Variants in CCDC175 observed in about 807,000 individuals in gnomAD.
CCDC175 encodes the protein coiled-coil domain containing 175, also known as coiled-coil domain-containing protein 175.
In CCDC175, 100 loss-of-function variants were observed where a neutral mutation model predicts 114.6. That is an observed-to-expected ratio of 0.87 (90% confidence interval 0.74 to 1.03). The LOEUF is 1.03. Ranked by LOEUF, CCDC175 falls within the 50% of genes least tolerant of loss-of-function variation. The pLI is 0.00. For missense variants in CCDC175, 880 were observed against 917.8 expected, an observed-to-expected ratio of 0.96 and a Z score of 0.53; for synonymous variants, 306 against 308.7, an observed-to-expected ratio of 0.99 and a Z score of 0.09.
In CCDC175 at chr14:59,544,854, T is replaced by C. The variant is rs568982857; in HGVS notation, c.1172+309A>G. 1.8e-3 allele frequency among the ~76,000 whole-genome samples: 271 copies of C among 152,212 alleles called. 1 individual carries two copies. The highest frequency in any genetic ancestry group is 2.5e-3 in the Non-Finnish European group (171 of 68,014). On this transcript the variant is annotated intron_variant, in intron 9 of 19. Transcript: ENST00000537690. ...CACCAGACAGACAGCATGTTCTCTC[T>C]CCACCCTGTGAAGACACAGAGAGAA...
intron 5 of CCDC175, 144 bp downstream of exon 5, chr14:59,564,903 C>A: frequency 1.6e-6 from 1 of 633,906 alleles, no homozygotes; most frequent in Non-Finnish European, 2.7e-6. Context: ...CCTTGAGTCT[C>A]CCGCTCATCC....
At position 59,525,951 on chromosome 14, in the gene CCDC175, C is replaced by T. The variant is rs113418801; in HGVS notation, c.1843-517G>A. On this transcript the variant is annotated intron_variant, in intron 15 of 19. Transcript: ENST00000537690. ...TTGAGCATCCGTGGATTTTGATAGT[C>T]ATGTTGGTCCTGGAACCAATCCCCC... Among the ~76,000 whole-genome samples, 319 of 152,212 alleles carry T rather than the reference C, an allele frequency of 2.1e-3. 1 individual carries two copies. The highest frequency in any genetic ancestry group is 6.9e-3 in the African/African-American group (286 of 41,534).
At chr14:59,512,750 T>C (rs1472028042) in intron 17 of CCDC175, among the ~76,000 whole-genome samples, 3 of 152,098 alleles carry the variant, frequency 2.0e-5, no homozygotes, top group Non-Finnish European at 4.4e-5. Flanking sequence ...AAAAAGTCTA[T>C]TCTTCCAACA....
intron 6 of CCDC175, among the ~76,000 whole-genome samples, chr14:59,562,098 C>T (rs573032513): frequency 3.7e-4 from 56 of 152,304 alleles, no homozygotes; most frequent in African/African-American, 1.3e-3. Context: ...TAACTGGAAT[C>T]GTAGAACTAC....
intron 17 of CCDC175, among the ~76,000 whole-genome samples, chr14:59,515,886 A>T (rs1236042371): frequency 1.3e-5 from 2 of 152,202 alleles, no homozygotes; most frequent in Non-Finnish European, 2.9e-5. Flanking sequence ...ACCACACCGC[A>T]CTTATTCCAA....
chr14:59,523,374 T>A (rs540954313), intron 16 of CCDC175, among the ~76,000 whole-genome samples: 92 of 152,354 alleles, frequency 6.0e-4, no homozygotes, highest in African/African-American at 2.2e-3. Context: ...TATTGCCATT[T>A]AACAGATGAA....
chr14:59,523,032 C>T (rs189481540), intron 16 of CCDC175, among the ~76,000 whole-genome samples: 10 of 152,258 alleles, frequency 6.6e-5, no homozygotes, highest in Admixed American at 2.6e-4. Flanking sequence ...CAGAGTCATT[C>T]GGTGACTAGC....
intron 19 of CCDC175, 148 bp from the exon 20 acceptor site, chr14:59,505,463 G>T: frequency 2.4e-6 from 1 of 415,502 alleles, no homozygotes; most frequent in Non-Finnish European, 4.3e-6. Context: ...GGTGTCATGT[G>T]TCTGATTACT....
Position 59,531,792 on chromosome 14 carries a change from T to C in CCDC175, c.1742A>G (p.Glu581Gly). The C allele has an allele frequency of 1.3e-6, 2 of 1,499,100 alleles. No homozygotes were observed. Among genetic ancestry groups the C allele is most frequent in the Non-Finnish European group, 1.8e-6 (2 of 1,123,174 alleles). The allele number at this position is 1,499,100 out of a possible 1,614,324, so 92.9% of individuals were successfully genotyped here. A position where few individuals can be genotyped will look rare whatever the true frequency, so the allele number is the denominator to read the frequency against. The change falls in exon 14 of 20, where the codon GAG becomes GGG. Residue 581 changes from glutamate to glycine, a missense_variant. Physicochemically the swap from Glu to Gly is moderately conservative, Grantham distance 98. Transcript: ENST00000537690. ...TGTACCTGTAATAATATTACTGAGC[T>C]CTTCTAACTTTCTTCTTTTCTCTTT... ...EYKEKRRKLE[E>G]LSNIITAQRQ...
At chr14:59,568,124 C>G (rs1006870959) in intron 4 of CCDC175, 121 bp downstream of exon 4, 2 of 981,584 alleles carry the variant, frequency 2.0e-6, no homozygotes, top group Non-Finnish European at 2.8e-6. Context: ...TCCTACAAGC[C>G]ATCTTCACCT....
chr14:59,575,177 A>G, intron 1 of CCDC175, 149 bp from the exon 2 acceptor site: 1 of 493,872 alleles, frequency 2.0e-6, no homozygotes, highest in Non-Finnish European at 3.6e-6. Context: ...TCTCTTTTGT[A>G]CTTATTTCCT....
chr14:59,566,986 C>G (rs140947901), intron 4 of CCDC175, among the ~76,000 whole-genome samples: 219 of 152,306 alleles, frequency 1.4e-3, no homozygotes, highest in Non-Finnish European at 2.3e-3. Context: ...CCACCGCACT[C>G]CTCCCAGATC....
chr14:59,527,413 G>T (rs940458296), intron 14 of CCDC175, among the ~76,000 whole-genome samples: 3 of 151,824 alleles, frequency 2.0e-5, no homozygotes, highest in Non-Finnish European at 2.9e-5. Flanking sequence ...ATGCATATAT[G>T]CCTATTTTCT....
chr14:59,555,237 C>T (rs1322553152), intron 7 of CCDC175, among the ~76,000 whole-genome samples: 2 of 152,184 alleles, frequency 1.3e-5, no homozygotes, highest in Middle Eastern at 3.2e-3. Flanking sequence ...CAAACCGAAT[C>T]CAGCAGCACA....
chr14:59,553,443 C>T (rs1437149691), intron 7 of CCDC175, among the ~76,000 whole-genome samples: 4 of 152,160 alleles, frequency 2.6e-5, no homozygotes, highest in African/African-American at 9.7e-5. Context: ...CAGGCCTGCC[C>T]TACAAGAGCT....
chr14:59,536,479 T>C (rs1001683241), intron 13 of CCDC175, among the ~76,000 whole-genome samples: 1 of 152,034 alleles, frequency 6.6e-6, no homozygotes, highest in African/African-American at 2.4e-5. Context: ...GAAAGCTCCA[T>C]AAAGGCAGAG....
At chr14:59,551,328 T>A in intron 8 of CCDC175, 27 bp downstream of exon 8, 3 of 1,040,450 alleles carry the variant, frequency 2.9e-6, no homozygotes, top group Non-Finnish European at 4.0e-6. Flanking sequence ...AATTATAATG[T>A]AAAAGTCATG....
At chr14:59,505,402 C>T in intron 19 of CCDC175, 87 bp from the exon 20 acceptor site, 3 of 619,250 alleles carry the variant, frequency 4.8e-6, no homozygotes, top group African/African-American at 1.8e-5. Flanking sequence ...TTCTGAGTTG[C>T]CCAAAGAATC....
intron 2 of CCDC175, among the ~76,000 whole-genome samples, chr14:59,573,121 T>C (rs1292288045): frequency 6.6e-6 from 1 of 152,112 alleles, no homozygotes; most frequent in East Asian, 1.9e-4. Context: ...AATAGTAATA[T>C]TGAGAAAGAA....
Sources: gnomAD v4.1 joint callset for allele counts (sites outside exome capture counted in the v4.1 genomes callset) on GRCh38, gnomAD v4.1.1 for gene constraint, MANE v1.5 for transcripts, NCBI Gene and HGNC (gene_info 2026-07-23, HGNC 2026-07-21) for gene names.